SHPK: variants seen among roughly 807,000 people sequenced by gnomAD.
The protein encoded by SHPK is sedoheptulokinase, also known as carbohydrate kinase-like protein.
Under a neutral mutation model 46.3 loss-of-function variants are expected in SHPK, and 51 were observed. The observed-to-expected ratio is 1.10, with a 90% CI of 0.88 to 1.39. The LOEUF is 1.39. Among genes scored for constraint, SHPK ranks in the 40% most tolerant of loss-of-function variants. The probability of loss-of-function intolerance (pLI) is 0.00; values close to 1 mark genes in which losing one functional copy is unlikely to be tolerated. For synonymous variants in SHPK, 290 were observed against 273.9 expected, an observed-to-expected ratio of 1.06 and a Z score of -0.58; for missense variants, 668 against 641.3, an observed-to-expected ratio of 1.04 and a Z score of -0.45.
At position 3,626,579 on chromosome 17, in the gene SHPK, G is replaced by A. The variant is rs181314617; in HGVS notation, c.311-2348C>T. Among the ~76,000 whole-genome samples, 701 of 151,990 alleles carry A rather than the reference G, an allele frequency of 4.6e-3. 6 individuals carry two copies. The highest frequency in any genetic ancestry group is 0.016 in the African/African-American group (666 of 41,438). ...AAAAATACCGAAAAAAAAATTAGCC[G>A]GGCGTGATGGCGGGTACCTGTAGTC... On this transcript the variant is annotated intron_variant, in intron 2 of 6. Transcript: ENST00000225519.
intron 1 of SHPK, among the ~76,000 whole-genome samples, chr17:3,634,126 A>G (rs1467528043): frequency 6.7e-6 from 1 of 149,424 alleles, no homozygotes; most frequent in Non-Finnish European, 1.5e-5. Flanking sequence ...GGACACAAAC[A>G]CTGCGGAAGG....
At chr17:3,624,649 AT>A (rs2075422372) in intron 2 of SHPK, among the ~76,000 whole-genome samples, 1 of 151,366 alleles carries the variant, frequency 6.6e-6, no homozygotes, top group African/African-American at 2.4e-5. Flanking sequence ...GTTTTATTTT[AT>A]TTTATTTTAT....
Position 3,624,136 on chromosome 17 carries a change from A to G in SHPK, c.406T>C (p.Phe136Leu). 1.2e-6 allele frequency: 2 copies of G among 1,614,172 alleles called. No homozygotes were observed. The highest frequency in any genetic ancestry group is 1.7e-6 in the Non-Finnish European group (2 of 1,179,996). Reference sequence around the variant, plus strand: ...TTCGGCTGGGGCAGAGAGGCCAGGAATTCGCTGCTACATCGGCCATCCTGC... The same window carrying G: ...TTCGGCTGGGGCAGAGAGGCCAGGAGTTCGCTGCTACATCGGCCATCCTGC... ...TWQDGRCSSE[F>L]LASLPQPKSH... The change falls in exon 3 of 7, where the codon TTC (phenylalanine) becomes CTC (leucine). Residue 136 changes from phenylalanine (F) to leucine (L), a missense_variant. Coordinates refer to ENST00000225519, the MANE Select transcript of SHPK (RefSeq NM_013276.4).
intron 3 of SHPK, 129 bp from the exon 4 acceptor site, chr17:3,623,620 G>T (rs568143134): frequency 3.3e-6 from 3 of 901,960 alleles, no homozygotes; most frequent in East Asian, 4.9e-5. Context: ...ATATACTATG[G>T]CTCAAGTCCA....
At chr17:3,630,100 C>T (rs1443676328) in intron 2 of SHPK, 105 bp downstream of exon 2, 1 of 1,399,896 alleles carries the variant, frequency 7.1e-7, no homozygotes, top group African/African-American at 1.4e-5. Flanking sequence ...AGACCCTATT[C>T]CCACTGCAGG....
At chr17:3,629,934 C>T (rs1393294248) in intron 2 of SHPK, among the ~76,000 whole-genome samples, 1 of 152,090 alleles carries the variant, frequency 6.6e-6, no homozygotes, top group Non-Finnish European at 1.5e-5. Flanking sequence ...CTGCTGAATC[C>T]TTCAGGAGAA....
chr17:3,625,702 T>C (rs573922871), intron 2 of SHPK, among the ~76,000 whole-genome samples: 4 of 152,350 alleles, frequency 2.6e-5, no homozygotes, highest in South Asian at 4.1e-4. Flanking sequence ...TGATAAATGC[T>C]TGTTGCTTTC....
intron 6 of SHPK, among the ~76,000 whole-genome samples, chr17:3,612,089 C>T (rs560285938): frequency 1.3e-5 from 2 of 151,696 alleles, no homozygotes; most frequent in South Asian, 4.2e-4. Context: ...CAGGCATGAG[C>T]CACCATGCCC....
At position 3,621,248 on chromosome 17, in the gene SHPK, C is replaced by T; in HGVS notation, c.812G>A (p.Arg271Lys). ...AAAGAAAAACTTACCTGCATCTGTC[C>T]TCTGGGCCATGCAGGAATAGACAGA... ...QASVYSCMAQ[R>K]TDAVLNISTS... The change falls in exon 5 of 7, where the codon AGG becomes AAG. Residue 271 changes from arginine to lysine, a missense_variant. Coordinates refer to ENST00000225519, the MANE Select transcript of SHPK (RefSeq NM_013276.4). 1 of 1,612,444 alleles carries T rather than the reference C, an allele frequency of 6.2e-7. No individual in the cohort carries two copies. The highest frequency in any genetic ancestry group is 8.5e-7 in the Non-Finnish European group (1 of 1,179,318).
intron 1 of SHPK, among the ~76,000 whole-genome samples, chr17:3,634,128 T>C (rs559939492): frequency 6.7e-6 from 1 of 149,306 alleles, no homozygotes; most frequent in South Asian, 2.2e-4. Flanking sequence ...ACACAAACAC[T>C]GCGGAAGGCC....
rs371958939 is a variant in SHPK at position 3,631,512 on chromosome 17, C to CTTTTTTTTTTTTTTTTTTT, written c.169-1185_169-1167dup. ...AAAATATACACTATCTAATTTAATG[C>CTTTTTTTTTTTTTTTTTTT]TTTTTTTTTTTTTTTTTTTTTTTTT... On this transcript the variant is annotated intron_variant, in intron 1 of 6. Coordinates refer to ENST00000225519, the MANE Select transcript of SHPK (RefSeq NM_013276.4). 2.1e-4 allele frequency among the ~76,000 whole-genome samples: 11 copies of CTTTTTTTTTTTTTTTTTTT among 53,052 alleles called. 4 individuals carry two copies. The highest frequency in any genetic ancestry group is 7.1e-4 in the African/African-American group (8 of 11,294). 34.8% of individuals were successfully genotyped at this position (53,052 alleles called of 152,430 possible).
chr17:3,611,795 C>CG (rs1320521454), intron 6 of SHPK, among the ~76,000 whole-genome samples: 10 of 127,606 alleles, frequency 7.8e-5, no homozygotes, highest in African/African-American at 2.7e-4. Context: ...GTTAGCTCTG[C>CG]GGGTTTTTTT....
At position 3,624,129 on chromosome 17, in the gene SHPK, G is replaced by A. The variant is rs894508537; in HGVS notation, c.413C>T (p.Ala138Val). ...ATGAGACTTCGGCTGGGGCAGAGAG[G>A]CCAGGAATTCGCTGCTACATCGGCC... ...QDGRCSSEFL[A>V]SLPQPKSHLS... The change falls in exon 3 of 7, where the codon GCC becomes GTC. Residue 138 changes from alanine (A) to valine (V), a missense_variant. By Grantham distance (64) the Ala-to-Val change is moderately conservative. Transcript: ENST00000225519. 3 of 1,614,170 alleles carry A rather than the reference G, an allele frequency of 1.9e-6. No individual in the cohort carries two copies. Among genetic ancestry groups the A allele is most frequent in the Non-Finnish European group, 2.5e-6 (3 of 1,180,008 alleles).
intron 6 of SHPK, among the ~76,000 whole-genome samples, chr17:3,613,152 T>C (rs1409323148): frequency 1.3e-5 from 2 of 152,318 alleles, no homozygotes; most frequent in East Asian, 1.9e-4. Context: ...TCCAGGCCAG[T>C]AGACCAGGCT....
At chr17:3,627,363 G>A (rs928422909) in intron 2 of SHPK, among the ~76,000 whole-genome samples, 3 of 152,038 alleles carry the variant, frequency 2.0e-5, no homozygotes, top group Non-Finnish European at 2.9e-5. Context: ...AGCTCGCTCC[G>A]GGTGCCCTCA....
chr17:3,626,545 T>C (rs530316221), intron 2 of SHPK, among the ~76,000 whole-genome samples: 1 of 151,820 alleles, frequency 6.6e-6, no homozygotes, highest in Non-Finnish European at 1.5e-5. Context: ...GTGAAACCCC[T>C]TCTCTGCTAA....
intron 1 of SHPK, 56 bp from the exon 2 acceptor site, chr17:3,630,402 C>T (rs1033385840): frequency 1.5e-5 from 23 of 1,529,434 alleles, no homozygotes; most frequent in Non-Finnish European, 1.9e-5. Context: ...GGGGGAGGGG[C>T]GCAGGCCTCC....
chr17:3,635,193 T>TGAAGGAAGGAAGAAAGGAAGGAAG (rs746755300), intron 1 of SHPK, among the ~76,000 whole-genome samples: 4,274 of 60,394 alleles, frequency 0.071, 566 homozygotes, highest in Middle Eastern at 0.086. Flanking sequence ...AAGGAAAGAA[T>TGAAGGAAGGAAGAAAGGAAGGAAG]GAAGGAAGGA....
intron 6 of SHPK, 101 bp from the exon 7 acceptor site, chr17:3,611,073 G>A: frequency 9.0e-7 from 1 of 1,107,624 alleles, no homozygotes. Context: ...GCTACTTGCT[G>A]CTTCTCCTCC....
Sources: gnomAD v4.1 joint callset for allele counts (sites outside exome capture counted in the v4.1 genomes callset) on GRCh38, gnomAD v4.1.1 for gene constraint, MANE v1.5 for transcripts, NCBI Gene and HGNC (gene_info 2026-07-23, HGNC 2026-07-21) for gene names.